The following CCDC112 variants were observed in gnomAD, a reference collection of about 807,000 sequenced individuals.
The protein encoded by CCDC112 is coiled-coil domain-containing protein 112.
CCDC112 carries 40 observed loss-of-function variants against 66.3 expected under a neutral mutation model. The ratio of observed to expected loss-of-function variants is 0.60; its 90% CI spans 0.47 to 0.79. The LOEUF (loss-of-function observed/expected upper bound fraction) is 0.79, where lower values mean the gene tolerates loss of function less well. CCDC112 is among the 30% of genes least tolerant of loss of function. CCDC112 has a pLI of 0.00. For synonymous variants in CCDC112, 214 were observed against 197.2 expected, an observed-to-expected ratio of 1.09 and a Z score of -0.71; for missense variants, 659 against 603.8, an observed-to-expected ratio of 1.09 and a Z score of -0.96.
chr5:115,274,236 C>T (rs892892928), intron 6 of CCDC112, among the ~76,000 whole-genome samples: 1 of 152,090 alleles, frequency 6.6e-6, no homozygotes, highest in African/African-American at 2.4e-5. Flanking sequence ...AGCATCTACC[C>T]GCTGGAAACC....
chr5:115,296,204 G>A lies in CCDC112; in HGVS notation c.117+223C>T, dbSNP rs546936155. ...CGCGGCTAGGAAGCGGCAGAGCCGGGTTCCCACCCAGGTCTTCCTCGACTC... is the reference window on the plus strand; with the variant it reads ...CGCGGCTAGGAAGCGGCAGAGCCGGATTCCCACCCAGGTCTTCCTCGACTC... On this transcript the variant is annotated intron_variant, in intron 1 of 9. Coordinates refer to ENST00000379611, the MANE Select transcript of CCDC112 (RefSeq NM_001040440.3). 6.1e-5 allele frequency: 78 copies of A among 1,278,170 alleles called. 1 individual carries two copies. In the Middle Eastern group the frequency reaches 1.8e-3, roughly 30 times the overall value. 79.2% of individuals were successfully genotyped at this position (1,278,170 alleles called of 1,614,324 possible). A position where few individuals can be genotyped will look rare whatever the true frequency, so the allele number is the denominator to read the frequency against.
At chr5:115,285,258 C>T (rs1316575428) in intron 1 of CCDC112, among the ~76,000 whole-genome samples, 9 of 152,018 alleles carry the variant, frequency 5.9e-5, no homozygotes, top group Non-Finnish European at 1.2e-4. Context: ...ATAATATGGT[C>T]CCTGTCTGAA....
chr5:115,282,772 T>C (rs1186404737), intron 2 of CCDC112, among the ~76,000 whole-genome samples: 1 of 152,262 alleles, frequency 6.6e-6, no homozygotes, highest in East Asian at 1.9e-4. Flanking sequence ...GACTTTCCAC[T>C]GGGTACCCTT....
chr5:115,279,964 AAC>A (rs1031519643), intron 2 of CCDC112, among the ~76,000 whole-genome samples, 196 bp from the exon 3 acceptor site: 2 of 152,208 alleles, frequency 1.3e-5, no homozygotes, highest in Non-Finnish European at 2.9e-5. Flanking sequence ...ATTTCAATCA[AAC>A]ACAACTATAA....
At chr5:115,290,122 GT>G (rs1177357493) in intron 1 of CCDC112, among the ~76,000 whole-genome samples, 2 of 152,186 alleles carry the variant, frequency 1.3e-5, no homozygotes, top group African/African-American at 2.4e-5. Flanking sequence ...TTTATTCTAA[GT>G]TTTTTAGACC....
chr5:115,283,478 C>A (rs917616617), intron 2 of CCDC112, among the ~76,000 whole-genome samples: 1 of 152,102 alleles, frequency 6.6e-6, no homozygotes, highest in African/African-American at 2.4e-5. Flanking sequence ...CAACCCTTCA[C>A]GCACACACAA....
chr5:115,281,398 C>T (rs962300424), intron 2 of CCDC112, among the ~76,000 whole-genome samples: 6 of 152,212 alleles, frequency 3.9e-5, no homozygotes, highest in African/African-American at 1.4e-4. Flanking sequence ...GCCCACCACA[C>T]TTCTCCAGAG....
intron 4 of CCDC112, 143 bp from the exon 5 acceptor site, chr5:115,276,212 A>C: frequency 1.7e-6 from 1 of 587,186 alleles, no homozygotes; most frequent in Non-Finnish European, 2.9e-6. Flanking sequence ...TCAAAAGTGA[A>C]TTTTTATGAT....
chr5:115,284,645 T>G (rs982553883), intron 2 of CCDC112, 142 bp downstream of exon 2: 19 of 536,140 alleles, frequency 3.5e-5, no homozygotes, highest in Non-Finnish European at 5.4e-5. Context: ...CCTCCCATCT[T>G]TCTCTTGTTA....
rs1367172905 is a variant in CCDC112, at chr5:115,275,398, G to A, written c.736C>T (p.Arg246Ter). 7 of 1,613,598 alleles carry A rather than the reference G, an allele frequency of 4.3e-6. No homozygotes were observed. Among genetic ancestry groups the A allele is most frequent in the Admixed American group, 1.7e-5 (1 of 59,946 alleles). Residue 246 changes from arginine to a stop codon, truncating the protein, a stop_gained, in exon 6 of 10, where the codon CGA becomes TGA. Coordinates refer to ENST00000379611, the MANE Select transcript of CCDC112 (RefSeq NM_001040440.3). LOFTEE classifies it high-confidence loss of function. ...FEKFLQQTGGRQGAWDDYDHQ... is the reference protein window; with the variant it reads ...FEKFLQQTGG The stretch of plus-strand genomic sequence containing the variant: ...TCATAATCATCCCAGGCACCTTGTC[G>A]CCCTCCTGTTTGCTGAAGGAATTTT...
At position 115,296,153 on chromosome 5, in the gene CCDC112, G is replaced by A. The variant is rs139787821; in HGVS notation, c.117+274C>T. ...TCCCAATTTTTAGAGAAGAAAGTGA[G>A]TCGCCGACAGCATATGTTCTTATCA... is the stretch of plus-strand genomic sequence containing the variant. On this transcript the variant is annotated intron_variant, in intron 1 of 9. Transcript: ENST00000379611. 645 of 1,187,316 alleles carry A rather than the reference G, an allele frequency of 5.4e-4. 6 individuals carry two copies. In the African/African-American group the frequency reaches 7.9e-3, roughly 15 times the overall value. The allele number at this position is 1,187,316 out of a possible 1,614,324, so 73.5% of individuals were successfully genotyped here.
At position 115,296,409 on chromosome 5, in the gene CCDC112, C is replaced by T. The variant is rs572496649; in HGVS notation, c.117+18G>A. 3 of 1,565,064 alleles carry T rather than the reference C, an allele frequency of 1.9e-6. No homozygotes were observed. The highest frequency in any genetic ancestry group is 1.8e-5 in the Admixed American group (1 of 56,980). ...CCTCGCCTGCCGCCAGAGCAGCTCT[C>T]GGTTCTCCCGGATTTACCTGTTGAG... On this transcript the variant is annotated intron_variant, in intron 1 of 9. Transcript: ENST00000379611.
chr5:115,296,126 A>C, intron 1 of CCDC112: 2 of 1,116,344 alleles, frequency 1.8e-6, no homozygotes, highest in Non-Finnish European at 2.2e-6. Context: ...GCATGTTACT[A>C]TTCCCAATTT....
Position 115,275,599 on chromosome 5 carries a change from C to T in CCDC112, c.535G>A (p.Glu179Lys), listed in dbSNP as rs1580797567. The part of the protein sequence containing the change: ...FKEEQRLIYE[E>K]LIKEEKTTNN... ...GTTGTCTTCTCTTCTTTAATTAGCT[C>T]TTCATATCTAAAATTTTAAAAATAA... The change falls in exon 6 of 10, where the codon GAG becomes AAG. Residue 179 changes from glutamate (E) to lysine (K), a missense_variant. Coordinates refer to ENST00000379611, the MANE Select transcript of CCDC112 (RefSeq NM_001040440.3). The T allele has an allele frequency of 1.3e-6, 2 of 1,551,852 alleles. No individual in the cohort carries two copies. The highest frequency in any genetic ancestry group is 1.4e-5 in the African/African-American group (1 of 71,986).
intron 1 of CCDC112, among the ~76,000 whole-genome samples, chr5:115,290,643 C>T (rs1285719635): frequency 6.6e-6 from 1 of 152,076 alleles, no homozygotes; most frequent in Non-Finnish European, 1.5e-5. Context: ...TTATATAAGT[C>T]TCCTTTAATT....
At chr5:115,275,934 G>A (rs946106899) in intron 5 of CCDC112, 60 bp downstream of exon 5, 5 of 1,093,572 alleles carry the variant, frequency 4.6e-6, no homozygotes, top group Non-Finnish European at 6.9e-6. Flanking sequence ...AAATGTACTG[G>A]GGCCAGTTAT....
At chr5:115,288,892 T>C (rs891702358) in intron 1 of CCDC112, 13 of 449,164 alleles carry the variant, frequency 2.9e-5, no homozygotes, top group Non-Finnish European at 5.3e-5. Flanking sequence ...CTAAAAAACT[T>C]GCATTTACAA....
intron 2 of CCDC112, 69 bp from the exon 3 acceptor site, chr5:115,279,837 C>T: frequency 6.0e-6 from 5 of 836,520 alleles, no homozygotes; most frequent in Non-Finnish European, 9.2e-6. Context: ...AATATGAAGA[C>T]ACTCAATAAT....
chr5:115,283,421 T>C (rs1448055623), intron 2 of CCDC112, among the ~76,000 whole-genome samples: 2 of 152,112 alleles, frequency 1.3e-5, no homozygotes, highest in Non-Finnish European at 2.9e-5. Flanking sequence ...CTTAACATAA[T>C]GAAAATCTCA....
Sources: gnomAD v4.1 joint callset for allele counts (sites outside exome capture counted in the v4.1 genomes callset) on GRCh38, gnomAD v4.1.1 for gene constraint, MANE v1.5 for transcripts, NCBI Gene and HGNC (gene_info 2026-07-23, HGNC 2026-07-21) for gene names.